XKR6: variants seen among roughly 807,000 people sequenced by gnomAD.
XKR6 encodes the protein XK related 6.
XKR6 carries 22 observed loss-of-function variants against 56.7 expected under a neutral mutation model. The ratio of observed to expected loss-of-function variants is 0.39; its 90% CI spans 0.28 to 0.55. XKR6 has a LOEUF of 0.55. Among genes scored for constraint, XKR6 ranks in the 20% least tolerant of loss-of-function variants. XKR6 has a pLI of 0.66. For missense variants in XKR6, 852 were observed against 889.0 expected, an observed-to-expected ratio of 0.96 and a Z score of 0.53; for synonymous variants, 524 against 387.8, an observed-to-expected ratio of 1.35 and a Z score of -4.13.
At chr8:11,112,320 C>G (rs888362889) in intron 1 of XKR6, among the ~76,000 whole-genome samples, 2 of 152,190 alleles carry the variant, frequency 1.3e-5, no homozygotes, top group Admixed American at 1.3e-4. Flanking sequence ...CGGTTACAGT[C>G]TTTGTGCTTC....
chr8:11,086,148 AT>A (rs372566415), intron 1 of XKR6, among the ~76,000 whole-genome samples: 3 of 120,742 alleles, frequency 2.5e-5, no homozygotes, highest in South Asian at 2.4e-4. Context: ...ATATATATAT[AT>A]TTTTTTTTAA....
intron 1 of XKR6, among the ~76,000 whole-genome samples, chr8:11,172,311 G>A (rs375849728): frequency 9.1e-4 from 139 of 152,182 alleles, no homozygotes; most frequent in African/African-American, 3.1e-3. Context: ...TCGAGGCTGC[G>A]GCAAGCCATG....
intron 1 of XKR6, among the ~76,000 whole-genome samples, chr8:11,180,729 A>G (rs967601932): frequency 6.6e-6 from 1 of 151,568 alleles, no homozygotes; most frequent in Non-Finnish European, 1.5e-5. Flanking sequence ...ACACATTGAG[A>G]CCCCAACTCC....
chr8:11,032,189 G>A (rs769066016), intron 1 of XKR6, among the ~76,000 whole-genome samples: 3 of 152,154 alleles, frequency 2.0e-5, no homozygotes, highest in Non-Finnish European at 2.9e-5. Context: ...GGCACCAGAC[G>A]CAGGGCTGAG....
intron 1 of XKR6, among the ~76,000 whole-genome samples, chr8:11,160,171 T>C (rs1801722655): frequency 6.6e-6 from 1 of 152,028 alleles, no homozygotes; most frequent in African/African-American, 2.4e-5. Flanking sequence ...TCAGAAATAA[T>C]CACATATGAA....
chr8:11,004,896 G>A (rs149919343), intron 1 of XKR6, among the ~76,000 whole-genome samples: 290 of 152,286 alleles, frequency 1.9e-3, no homozygotes, highest in African/African-American at 6.8e-3. Context: ...CAACATGGAT[G>A]AACCTTGCAG....
At chr8:10,921,962 C>T (rs7016385) in intron 2 of XKR6, among the ~76,000 whole-genome samples, 82,558 of 152,006 alleles carry the variant, frequency 0.54, 24,292 homozygotes, top group African/African-American at 0.72. Flanking sequence ...TCCTCTCTAG[C>T]GAATGGGATT....
rs529199160 is a variant in XKR6 at position 11,064,416 on chromosome 8, G to T, written c.764+136160C>A. Among the ~76,000 whole-genome samples the T allele has an allele frequency of 2.0e-5, 3 of 151,254 alleles. No individual in the cohort carries two copies. In the East Asian group the frequency reaches 5.8e-4, roughly 29 times the overall value. On this transcript the variant is annotated intron_variant, in intron 1 of 2. Coordinates refer to ENST00000416569, the MANE Select transcript of XKR6 (RefSeq NM_173683.4). ...TCATGGGCCATCATCTGATCACATA[G>T]TTCCTAATCCGTTATCGTGCCAAGA... is the stretch of plus-strand genomic sequence containing the variant.
intron 1 of XKR6, among the ~76,000 whole-genome samples, chr8:10,997,048 A>G (rs1406454510): frequency 6.6e-6 from 1 of 152,172 alleles, no homozygotes; most frequent in African/African-American, 2.4e-5. Flanking sequence ...ACACACACAC[A>G]TGTACGCCAC....
intron 1 of XKR6, among the ~76,000 whole-genome samples, chr8:11,128,360 T>C (rs1483666808): frequency 6.6e-6 from 1 of 152,250 alleles, no homozygotes; most frequent in African/African-American, 2.4e-5. Flanking sequence ...AGGGCTTTAC[T>C]ATCTGTGCTG....
At chr8:10,912,388 G>C (rs1181917749) in intron 2 of XKR6, among the ~76,000 whole-genome samples, 2 of 125,532 alleles carry the variant, frequency 1.6e-5, no homozygotes, top group African/African-American at 5.9e-5. Context: ...GAGAAGGTGA[G>C]TATACATATA....
At chr8:11,064,773 A>C (rs947560502) in intron 1 of XKR6, among the ~76,000 whole-genome samples, 1 of 152,256 alleles carries the variant, frequency 6.6e-6, no homozygotes, top group Non-Finnish European at 1.5e-5. Context: ...AATGTGAGCC[A>C]CTGTAGGAAA....
chr8:10,963,268 C>A (rs549272968), intron 1 of XKR6, among the ~76,000 whole-genome samples: 32 of 152,378 alleles, frequency 2.1e-4, no homozygotes, highest in South Asian at 2.1e-4. Context: ...GGCCTTGGCA[C>A]TGGCAATCCC....
rs558318014 is a variant in XKR6 at position 11,201,739 on chromosome 8, A to G, written c.-400T>C. Reference sequence around the variant, plus strand: ...CGGCTGGCCCGAGTGAGGCGGTCCAAAGTGATCCCTGGAGGGGGCAGTGCC... The same window carrying G: ...CGGCTGGCCCGAGTGAGGCGGTCCAGAGTGATCCCTGGAGGGGGCAGTGCC... On this transcript the variant is annotated 5_prime_UTR_variant, in exon 1 of 3. Coordinates refer to ENST00000416569, the MANE Select transcript of XKR6 (RefSeq NM_173683.4). Among the ~76,000 whole-genome samples, 2 of 152,296 alleles carry G rather than the reference A, an allele frequency of 1.3e-5. No individual in the cohort carries two copies. Among genetic ancestry groups the G allele is most frequent in the East Asian group, 3.9e-4 (2 of 5,174 alleles).
chr8:10,900,489 T>TA (rs1442588976), intron 2 of XKR6, among the ~76,000 whole-genome samples: 2 of 152,110 alleles, frequency 1.3e-5, no homozygotes, highest in Non-Finnish European at 2.9e-5. Context: ...TATGGTGCAA[T>TA]AAAAAAACCT....
rs118173945 is a variant in XKR6 at position 10,965,519 on chromosome 8, T to A, written c.765-40689A>T. 4.9e-3 allele frequency among the ~76,000 whole-genome samples: 743 copies of A among 152,272 alleles called. 7 individuals carry two copies. Among genetic ancestry groups the A allele is most frequent in the South Asian group, 0.023 (109 of 4,818 alleles). ...TGCAGGGAGGAGGAACACAAGAACA[T>A]TCTCGGTACATACTCATCGTACATG... On this transcript the variant is annotated intron_variant, in intron 1 of 2. Coordinates refer to ENST00000416569, the MANE Select transcript of XKR6 (RefSeq NM_173683.4).
At chr8:11,078,304 ATGT>A (rs1206181312) in intron 1 of XKR6, among the ~76,000 whole-genome samples, 2 of 152,118 alleles carry the variant, frequency 1.3e-5, no homozygotes. Context: ...AGTCTAAGGG[ATGT>A]TGTCTTACAG....
intron 1 of XKR6, among the ~76,000 whole-genome samples, chr8:10,985,971 G>A (rs1797855346): frequency 6.6e-6 from 1 of 152,186 alleles, no homozygotes. Flanking sequence ...GAACAAGCAA[G>A]AATATTTAGA....
At chr8:10,914,207 G>A (rs990867157) in intron 2 of XKR6, among the ~76,000 whole-genome samples, 16 of 152,116 alleles carry the variant, frequency 1.1e-4, no homozygotes, top group South Asian at 1.0e-3. Flanking sequence ...TGTAACCGCC[G>A]CAACCATGCT....
Sources: allele counts gnomAD v4.1 joint callset (sites outside exome capture counted in the v4.1 genomes callset), GRCh38; gene constraint gnomAD v4.1.1; transcripts MANE v1.5; gene names NCBI Gene and HGNC (gene_info 2026-07-23, HGNC 2026-07-21).